TSC1: variants seen among roughly 807,000 people sequenced by gnomAD.
The protein encoded by TSC1 is hamartin.
TSC1 carries 20 observed loss-of-function variants against 124.3 expected under a neutral mutation model. The observed-to-expected ratio is 0.16, with a 90% CI of 0.11 to 0.23. The LOEUF is 0.23. Among genes scored for constraint, TSC1 ranks in the 10% least tolerant of loss-of-function variants. The pLI, the probability that TSC1 is intolerant of heterozygous loss-of-function variation, is 1.00. For synonymous variants in TSC1, 493 were observed against 539.1 expected (o/e 0.91, Z 1.19); for missense variants, 1,124 against 1,448.5 (o/e 0.78, Z 3.64).
In TSC1 at chr9:132,927,259, T is replaced by A; in HGVS notation, c.152A>T (p.Glu51Val). 1 of 1,614,068 alleles carries A rather than the reference T, an allele frequency of 6.2e-7. No homozygotes were observed. The highest frequency in any genetic ancestry group is 2.2e-5 in the East Asian group (1 of 44,888). Reference sequence around the variant, plus strand: ...GTGCAATGCCGGCTGAGAGCTGGTTTCCAGGTAATAATCCACCAAGGTGTT... The same window carrying A: ...GTGCAATGCCGGCTGAGAGCTGGTTACCAGGTAATAATCCACCAAGGTGTT... ...LVNTLVDYYL[E>V]TSSQPALHIL... The change falls in exon 4 of 23, where the codon GAA becomes GTA. Residue 51 changes from glutamate to valine, a missense_variant. Glu to Val is a moderately radical substitution (Grantham distance 121). Around this residue, in one of 5 missense-constraint regions of TSC1, gnomAD observed 463 missense variants for 606.8 expected, o/e 0.76. Transcript: ENST00000298552.
chr9:132,906,302 T>A lies in TSC1; in HGVS notation c.1439-163A>T. ...GGCTCACGCCTGTAATGCCAGAACT[T>A]TGGGAGGCTGAGGAGGGAGGATCAC... On this transcript the variant is annotated intron_variant, in intron 14 of 22. Coordinates refer to ENST00000298552, the MANE Select transcript of TSC1 (RefSeq NM_000368.5). This position sits in a 1 kb window ranked among gnomAD's most constrained non-coding sequence, Gnocchi z 4.1. 1.2e-6 allele frequency: 1 copy of A among 809,888 alleles called. No homozygotes were observed. Among genetic ancestry groups the A allele is most frequent in the Non-Finnish European group, 2.0e-6 (1 of 490,928 alleles). The allele number at this position is 809,888 out of a possible 1,614,324, so 50.2% of individuals were successfully genotyped here. A position where few individuals can be genotyped will look rare whatever the true frequency, so the allele number is the denominator to read the frequency against.
chr9:132,940,765 A>C (rs951992766), intron 1 of TSC1: 3 of 152,188 alleles, frequency 2.0e-5, no homozygotes, highest in African/African-American at 7.2e-5. Flanking sequence ...TATTATAACA[A>C]TATTACTACT....
rs1268115038 is a variant in TSC1 at position 132,894,377 on chromosome 9, C to T, written c.*1858G>A. The T allele has an allele frequency of 8.7e-6, 2 of 230,564 alleles. No homozygotes were observed. The highest frequency in any genetic ancestry group is 6.2e-5 in the East Asian group (1 of 16,216). The allele number at this position is 230,564 out of a possible 1,614,324, so 14.3% of individuals were successfully genotyped here. On this transcript the variant is annotated 3_prime_UTR_variant, in exon 23 of 23. Transcript: ENST00000298552. ...CAGGATTCACTGATGGGATTTCCTT[C>T]CCTTTCTAAGTTTGTTCACGTTTTC...
intron 15 of TSC1, 26 bp downstream of exon 15, chr9:132,905,555 C>T (rs1845601787): frequency 6.2e-7 from 1 of 1,613,194 alleles, no homozygotes; most frequent in African/African-American, 1.3e-5. Flanking sequence ...CCATTTAACA[C>T]AGAAGAGAGT....
At chr9:132,920,590 G>A (rs774480859) in intron 8 of TSC1, among the ~76,000 whole-genome samples, 2 of 152,106 alleles carry the variant, frequency 1.3e-5, no homozygotes, top group Admixed American at 6.5e-5. Context: ...TCTGTGGTGA[G>A]GTGAGATTCG....
Position 132,915,169 on chromosome 9 carries a change from A to G in TSC1, c.738-2712T>C, listed in dbSNP as rs62578211. Among the ~76,000 whole-genome samples the G allele has an allele frequency of 5.4e-3, 818 of 152,038 alleles. 3 individuals are homozygous for G. Among genetic ancestry groups the G allele is most frequent in the Non-Finnish European group, 7.8e-3 (528 of 68,000 alleles). ...CACTGCACTCCAGCCTGGGCAACAG[A>G]GCAAGACCCTGTCTCAGGAAGAAAA... On this transcript the variant is annotated intron_variant, in intron 8 of 22. Transcript: ENST00000298552.
chr9:132,911,927 G>C lies in TSC1; in HGVS notation c.913+355C>G, dbSNP rs191410802. ...TAAATTGTTCCGACTCATTCAAACT[G>C]TGTCAGTGCTACAGACACAAGAGCC... On this transcript the variant is annotated intron_variant, in intron 9 of 22. Transcript: ENST00000298552. 6.6e-5 allele frequency among the ~76,000 whole-genome samples: 10 copies of C among 152,276 alleles called. No individual in the cohort carries two copies. The East Asian group carries it at 1.9e-3, about 29-fold the overall frequency.
chr9:132,907,452 T>G, intron 12 of TSC1, 82 bp from the exon 13 acceptor site: 2 of 1,099,050 alleles, frequency 1.8e-6, no homozygotes, highest in Non-Finnish European at 2.8e-6. Context: ...AGTTTAAAGG[T>G]CAGCCGAGTG....
At chr9:132,913,094 G>T (rs967322361) in intron 8 of TSC1, among the ~76,000 whole-genome samples, 1 of 151,808 alleles carries the variant, frequency 6.6e-6, no homozygotes, top group Non-Finnish European at 1.5e-5. Flanking sequence ...ACGTGCCACC[G>T]TGCCTGGCTA....
Position 132,911,480 on chromosome 9 carries a change from C to T in TSC1, c.1002G>A (p.Ser334=), listed in dbSNP as rs200820603. 73 of 1,613,558 alleles carry T rather than the reference C, an allele frequency of 4.5e-5. 2 individuals carry two copies. In the East Asian group the frequency reaches 6.2e-4, roughly 14 times the overall value. The change falls in exon 10 of 23, where the codon TCG becomes TCA. Residue 334 remains serine, a synonymous_variant. Transcript: ENST00000298552. ...GTGGTGGTTCAGTTATCAGCCGTGT[C>T]GATGGGGAACTCAGAGTCTGAGGTA... ...GQLPQTLSSP[S]TRLITEPPQA...
Position 132,903,839 on chromosome 9 carries a change from G to A in TSC1, c.2042-22C>T, listed in dbSNP as rs1349756952. 6.2e-7 allele frequency: 1 copy of A among 1,613,296 alleles called. No homozygotes were observed. Among genetic ancestry groups the A allele is most frequent in the Non-Finnish European group, 8.5e-7 (1 of 1,179,976 alleles). On this transcript the variant is annotated intron_variant, in intron 16 of 22. Transcript: ENST00000298552. This position sits in a 1 kb window ranked among gnomAD's most constrained non-coding sequence, Gnocchi z 5.9. ...GAGCCTGATTGTAAAGCAGAGGGAG[G>A]GTGGCAGAAATGCCTTTTACAGATG...
In TSC1 at chr9:132,894,174, A is replaced by G. The variant is rs1214804863; in HGVS notation, c.*2061T>C. The G allele has an allele frequency of 4.3e-6, 1 of 233,344 alleles. No individual in the cohort carries two copies. The highest frequency in any genetic ancestry group is 2.2e-5 in the African/African-American group (1 of 45,340). The allele number at this position is 233,344 out of a possible 1,614,324, so 14.5% of individuals were successfully genotyped here. ...GAGCTTCTAGCACAGGCCTCTCTCC[A>G]TGCTGCCTCCTTTCTTCCCTTTATT... On this transcript the variant is annotated 3_prime_UTR_variant, in exon 23 of 23. Transcript: ENST00000298552.
rs1172586020 is a variant in TSC1 at position 132,897,433 on chromosome 9, G to A, written c.2803C>T (p.Leu935Phe). The change falls in exon 21 of 23, where the codon CTC becomes TTC. Residue 935 changes from leucine to phenylalanine, a missense_variant. Leu to Phe is a conservative substitution (Grantham distance 22). This residue lies in a region of TSC1 where 325 missense variants were observed against 383.4 expected (regional missense o/e 0.85). Coordinates refer to ENST00000298552, the MANE Select transcript of TSC1 (RefSeq NM_000368.5). ...CCTGATGAAAGTTACCTTGCCTGGAGTTTGACATCCTCTAGATATTTCTTC... is the reference window on the plus strand; with the variant it reads ...CCTGATGAAAGTTACCTTGCCTGGAATTTGACATCCTCTAGATATTTCTTC... ...EQKKYLEDVK[L>F]QARGQLQAAE... is the part of the protein sequence containing the mutation. 1 of 1,614,056 alleles carries A rather than the reference G, an allele frequency of 6.2e-7. No individual in the cohort carries two copies. Among genetic ancestry groups the A allele is most frequent in the Non-Finnish European group, 8.5e-7 (1 of 1,180,060 alleles).
In TSC1 at chr9:132,896,071, C is replaced by G; in HGVS notation, c.*164G>C. Reference sequence around the variant, plus strand: ...TCAAGAGGCATTTCAATGCCAGATCCAAAAACCGTTCTGCATTCAGTCAGC... The same window carrying G: ...TCAAGAGGCATTTCAATGCCAGATCGAAAAACCGTTCTGCATTCAGTCAGC... On this transcript the variant is annotated 3_prime_UTR_variant, in exon 23 of 23. Coordinates refer to ENST00000298552, the MANE Select transcript of TSC1 (RefSeq NM_000368.5). The surrounding 1 kb of genome is among the most constrained non-coding windows in gnomAD (Gnocchi z 4.5). The G allele has an allele frequency of 9.4e-7, 1 of 1,060,164 alleles. No individual in the cohort carries two copies. Among genetic ancestry groups the G allele is most frequent in the Non-Finnish European group, 1.4e-6 (1 of 705,498 alleles). The allele number at this position is 1,060,164 out of a possible 1,614,324, so 65.7% of individuals were successfully genotyped here.
chr9:132,923,861 GCT>G lies in TSC1; in HGVS notation c.364-371_364-370del, dbSNP rs1344223120. On this transcript the variant is annotated intron_variant, in intron 5 of 22. Transcript: ENST00000298552. The surrounding 1 kb of genome is among the most constrained non-coding windows in gnomAD (Gnocchi z 4.2). ...CTTTTCAACAAAACACAGGAGCACT[GCT>G]CTGTTTCATTCATTCAACCAAATCC... Among the ~76,000 whole-genome samples the G allele has an allele frequency of 1.3e-5, 2 of 151,704 alleles. No homozygotes were observed. Among genetic ancestry groups the G allele is most frequent in the Non-Finnish European group, 2.9e-5 (2 of 67,996 alleles).
intron 4 of TSC1, chr9:132,926,120 C>A: frequency 3.5e-6 from 1 of 286,996 alleles, no homozygotes; most frequent in Non-Finnish European, 6.7e-6. Flanking sequence ...GGTTTGGCCT[C>A]AAGTATCAAT....
In TSC1 at chr9:132,895,249, C is replaced by T; in HGVS notation, c.*986G>A. On this transcript the variant is annotated 3_prime_UTR_variant, in exon 23 of 23. Coordinates refer to ENST00000298552, the MANE Select transcript of TSC1 (RefSeq NM_000368.5). ...CAGAAACTCTTTGGACCTTCAGAGC[C>T]TTTCTGCTGCAGTGTCACATATAAG... 4.3e-6 allele frequency: 1 copy of T among 233,400 alleles called. No individual in the cohort carries two copies. Among genetic ancestry groups the T allele is most frequent in the Non-Finnish European group, 8.5e-6 (1 of 117,900 alleles). 14.5% of individuals were successfully genotyped at this position (233,400 alleles called of 1,614,324 possible).
chr9:132,899,251 T>C (rs1845247250), intron 20 of TSC1: 1 of 152,290 alleles, frequency 6.6e-6, no homozygotes, highest in Non-Finnish European at 1.5e-5. Flanking sequence ...TGCTGAGGAA[T>C]AGGAAGAGAT....
At chr9:132,898,152 T>C (rs1232830223) in intron 20 of TSC1, among the ~76,000 whole-genome samples, 3 of 152,138 alleles carry the variant, frequency 2.0e-5, no homozygotes, top group Non-Finnish European at 4.4e-5. Flanking sequence ...CTCCTGACAA[T>C]AGCGCAGGTG....
Sources: allele counts gnomAD v4.1 joint callset (sites outside exome capture counted in the v4.1 genomes callset), GRCh38; gene constraint gnomAD v4.1.1; regional missense constraint gnomAD v4.1.1; non-coding constraint Gnocchi (gnomAD v3.1); transcripts MANE v1.5; gene names NCBI Gene and HGNC (gene_info 2026-07-23, HGNC 2026-07-21).